Variants in CLYBL observed in about 807,000 individuals in gnomAD.
CLYBL encodes the protein citramalyl-CoA lyase.
Under a neutral mutation model 38.9 loss-of-function variants are expected in CLYBL, and 31 were observed. The ratio of observed to expected loss-of-function variants is 0.80; its 90% CI spans 0.60 to 1.08. The LOEUF (loss-of-function observed/expected upper bound fraction) is 1.08, where lower values mean the gene tolerates loss of function less well. CLYBL is among the 50% of genes least tolerant of loss of function. The pLI is 0.00. For missense variants in CLYBL, 434 were observed against 411.6 expected (o/e 1.05, Z -0.47); for synonymous variants, 171 against 158.6 (o/e 1.08, Z -0.59).
At chr13:99,762,785 C>T (rs1273152641) in intron 1 of CLYBL, among the ~76,000 whole-genome samples, 1 of 152,190 alleles carries the variant, frequency 6.6e-6, no homozygotes, top group African/African-American at 2.4e-5. Flanking sequence ...GATATTAAAG[C>T]TGTGAACATA....
chr13:99,750,748 T>G (rs925777813), intron 1 of CLYBL, among the ~76,000 whole-genome samples: 1 of 151,182 alleles, frequency 6.6e-6, no homozygotes, highest in East Asian at 1.9e-4. Flanking sequence ...AAAAAAAATC[T>G]TATGTTTAAG....
chr13:99,728,668 A>C (rs866400282), intron 1 of CLYBL, among the ~76,000 whole-genome samples: 1 of 151,782 alleles, frequency 6.6e-6, no homozygotes, highest in Admixed American at 6.6e-5. Flanking sequence ...CTCAACCTCC[A>C]GGGCTCAAGC....
intron 1 of CLYBL, among the ~76,000 whole-genome samples, chr13:99,748,407 G>A (rs2048891300): frequency 6.8e-6 from 1 of 146,514 alleles, no homozygotes; most frequent in Non-Finnish European, 1.5e-5. Context: ...TTCTCCCCTG[G>A]CAACTATCAC....
chr13:99,883,177 T>C (rs2052258973), intron 7 of CLYBL, among the ~76,000 whole-genome samples: 1 of 152,274 alleles, frequency 6.6e-6, no homozygotes, highest in South Asian at 2.1e-4. Flanking sequence ...CTTCGTCTAA[T>C]AGAGACTGTC....
At chr13:99,770,431 C>T (rs996297660) in intron 1 of CLYBL, among the ~76,000 whole-genome samples, 3 of 152,118 alleles carry the variant, frequency 2.0e-5, no homozygotes, top group African/African-American at 7.2e-5. Context: ...CATTCTCCTG[C>T]CTCAGCCTCC....
chr13:99,898,105 G>A (rs1195283794), downstream of CLYBL, among the ~76,000 whole-genome samples: 2 of 152,210 alleles, frequency 1.3e-5, no homozygotes, highest in African/African-American at 4.8e-5. Flanking sequence ...CACTGGCTAT[G>A]TGATGATGAT....
chr13:99,887,873 TA>T (rs1264551060), intron 7 of CLYBL, among the ~76,000 whole-genome samples: 2 of 147,232 alleles, frequency 1.4e-5, no homozygotes, highest in African/African-American at 5.0e-5. Context: ...TTTTTTTTTT[TA>T]GGATGGAGTC....
chr13:99,805,186 C>G (rs2050207781), intron 2 of CLYBL, among the ~76,000 whole-genome samples: 1 of 152,134 alleles, frequency 6.6e-6, no homozygotes, highest in African/African-American at 2.4e-5. Context: ...TGGGTTCTTT[C>G]CACTTTCGGC....
chr13:99,867,494 A>T (rs1412918878), intron 6 of CLYBL, among the ~76,000 whole-genome samples: 2 of 152,090 alleles, frequency 1.3e-5, no homozygotes, highest in Non-Finnish European at 2.9e-5. Context: ...GCTAAAATAA[A>T]TATGACCCCC....
chr13:99,660,974 A>G (rs768872285), intron 1 of CLYBL, among the ~76,000 whole-genome samples: 3 of 152,168 alleles, frequency 2.0e-5, no homozygotes, highest in Non-Finnish European at 2.9e-5. Flanking sequence ...ATTTCTTGCA[A>G]TATATTTTGG....
intron 1 of CLYBL, among the ~76,000 whole-genome samples, chr13:99,756,853 T>C (rs1157802709): frequency 6.6e-6 from 1 of 152,230 alleles, no homozygotes; most frequent in Non-Finnish European, 1.5e-5. Flanking sequence ...GGACATGCGC[T>C]TCTTTGATTA....
intron 1 of CLYBL, among the ~76,000 whole-genome samples, chr13:99,662,589 T>A (rs2047425600): frequency 6.9e-6 from 1 of 145,772 alleles, no homozygotes. Flanking sequence ...CCTTTTTTTT[T>A]ATTAGTATTA....
rs1226860745 is a variant in CLYBL at position 99,762,092 on chromosome 13, A to G, written c.63-10732A>G. On this transcript the variant is annotated intron_variant, in intron 1 of 8. Coordinates refer to ENST00000339105, the MANE Select transcript of CLYBL (RefSeq NM_206808.5). ...TTCTTGTCAGATGGGTAGTTTCTAAATATTTTCTCTCATTCAGCAGATTGT... is the reference window on the plus strand; with the variant it reads ...TTCTTGTCAGATGGGTAGTTTCTAAGTATTTTCTCTCATTCAGCAGATTGT... 5.3e-5 allele frequency among the ~76,000 whole-genome samples: 8 copies of G among 152,122 alleles called. No homozygotes were observed. In the East Asian group the frequency reaches 1.5e-3, roughly 29 times the overall value.
intron 2 of CLYBL, among the ~76,000 whole-genome samples, chr13:99,821,882 C>T (rs2050594862): frequency 2.0e-5 from 3 of 152,200 alleles, no homozygotes; most frequent in South Asian, 4.1e-4. Context: ...TGATTCATGC[C>T]TCCCATCTCC....
chr13:99,898,600 T>C (rs1762646549), downstream of CLYBL, among the ~76,000 whole-genome samples: 1 of 152,214 alleles, frequency 6.6e-6, no homozygotes, highest in Admixed American at 6.5e-5. Context: ...CCCGCCCCTG[T>C]GTACCCACAT....
At chr13:99,740,997 TC>T (rs1428131172) in intron 1 of CLYBL, among the ~76,000 whole-genome samples, 1 of 152,198 alleles carries the variant, frequency 6.6e-6, no homozygotes, top group African/African-American at 2.4e-5. Context: ...GGAATCCTGT[TC>T]AAAATTGTTA....
chr13:99,726,399 C>T (rs1030006698), intron 1 of CLYBL: 3 of 152,194 alleles, frequency 2.0e-5, no homozygotes, highest in African/African-American at 7.2e-5. Flanking sequence ...TTTAACTCTC[C>T]ATGGGGTCGG....
chr13:99,902,431 A>C (rs1288207642), intron 8 of CLYBL, among the ~76,000 whole-genome samples: 2 of 152,368 alleles, frequency 1.3e-5, no homozygotes, highest in African/African-American at 4.8e-5. Context: ...ATAGCCAATG[A>C]ATGGGCTATG....
intron 2 of CLYBL, among the ~76,000 whole-genome samples, chr13:99,847,058 G>C (rs1412352457): frequency 6.6e-6 from 1 of 152,188 alleles, no homozygotes; most frequent in Admixed American, 6.5e-5. Flanking sequence ...TATCAGGTCA[G>C]CTGGAGAACT....
Sources: gnomAD v4.1 joint callset for allele counts (sites outside exome capture counted in the v4.1 genomes callset) on GRCh38, gnomAD v4.1.1 for gene constraint, MANE v1.5 for transcripts, NCBI Gene and HGNC (gene_info 2026-07-23, HGNC 2026-07-21) for gene names.